The following LRRFIP1 variants were observed in gnomAD, a reference collection of about 807,000 sequenced individuals.
LRRFIP1 encodes leucine-rich repeat flightless-interacting protein 1.
In LRRFIP1, 62 loss-of-function variants were observed where a neutral mutation model predicts 104.4. The observed-to-expected ratio is 0.59, with a 90% CI of 0.48 to 0.73. The LOEUF is 0.73. Among genes scored for constraint, LRRFIP1 ranks in the 30% least tolerant of loss-of-function variants. The pLI, the probability that LRRFIP1 is intolerant of heterozygous loss-of-function variation, is 0.00. For synonymous variants in LRRFIP1, 300 were observed against 299.0 expected (o/e 1.00, Z -0.03); for missense variants, 796 against 824.5 (o/e 0.97, Z 0.42).
intron 1 of LRRFIP1, among the ~76,000 whole-genome samples, chr2:237,655,296 A>G (rs2086634236): frequency 6.7e-6 from 1 of 149,936 alleles, no homozygotes; most frequent in Non-Finnish European, 1.5e-5. Flanking sequence ...TTTTTTGTAA[A>G]GTTGGGTTTC....
intron 6 of LRRFIP1, among the ~76,000 whole-genome samples, chr2:237,722,936 A>T (rs867390114): frequency 2.0e-5 from 3 of 152,150 alleles, no homozygotes; most frequent in Non-Finnish European, 2.9e-5. Context: ...CTCTATTTCT[A>T]TGCGGGGCCA....
In LRRFIP1 at chr2:237,649,355, C is replaced by A. The variant is rs540959057; in HGVS notation, c.96+21615C>A. Among the ~76,000 whole-genome samples the A allele has an allele frequency of 9.9e-5, 15 of 152,074 alleles. No homozygotes were observed. In the South Asian group the frequency reaches 2.1e-3, roughly 21 times the overall value. On this transcript the variant is annotated intron_variant, in intron 1 of 23. Coordinates refer to ENST00000308482, the MANE Select transcript of LRRFIP1 (RefSeq NM_001137550.2). This position sits in a 1 kb window ranked among gnomAD's most constrained non-coding sequence, Gnocchi z 4.1. ...GACCAACCTGGCCAACATAGTGAAA[C>A]CCCATCTCTACTAAAAACACAAAAA...
At chr2:237,776,212 G>A (rs891996807) in intron 23 of LRRFIP1, among the ~76,000 whole-genome samples, 7 of 152,068 alleles carry the variant, frequency 4.6e-5, no homozygotes, top group Non-Finnish European at 4.4e-5. Context: ...CTCCTGCCTT[G>A]GCCTCCCAAA....
chr2:237,692,564 C>T (rs929804387), intron 1 of LRRFIP1: 21 of 1,479,872 alleles, frequency 1.4e-5, no homozygotes, highest in Non-Finnish European at 1.7e-5. Context: ...GTGACTGCGG[C>T]GGGGTTTCAG....
intron 1 of LRRFIP1, among the ~76,000 whole-genome samples, chr2:237,634,728 C>G (rs182711925): frequency 1.4e-4 from 21 of 152,314 alleles, no homozygotes; most frequent in Middle Eastern, 6.8e-3. Context: ...TTTCCTTATA[C>G]AACTTTCTGC....
intron 14 of LRRFIP1, among the ~76,000 whole-genome samples, chr2:237,751,549 T>A (rs1014206212): frequency 6.6e-6 from 1 of 152,240 alleles, no homozygotes; most frequent in Non-Finnish European, 1.5e-5. Context: ...TCCCCCAGGC[T>A]TAAAACCAGT....
chr2:237,766,726 A>AAGAAGGAAAAAGAAAGAGTTCTGAGC lies in LRRFIP1; in HGVS notation c.1460-3214_1460-3189dup. Among the ~76,000 whole-genome samples, 1 of 152,222 alleles carries AAGAAGGAAAAAGAAAGAGTTCTGAGC rather than the reference A, an allele frequency of 6.6e-6. No homozygotes were observed. The highest frequency in any genetic ancestry group is 1.5e-5 in the Non-Finnish European group (1 of 68,038). On this transcript the variant is annotated intron_variant, in intron 19 of 23. Transcript: ENST00000308482. The surrounding 1 kb of genome is among the most constrained non-coding windows in gnomAD (Gnocchi z 4.8). The stretch of plus-strand genomic sequence containing the variant: ...GACAGCTGAAAATCCATGAGCAAGA[A>AAGAAGGAAAAAGAAAGAGTTCTGAGC]AGAAGGAAAAAGAAAGAGTTCTGAG...
intron 23 of LRRFIP1, among the ~76,000 whole-genome samples, chr2:237,778,922 A>G (rs1252964708): frequency 6.7e-6 from 1 of 150,006 alleles, no homozygotes; most frequent in Non-Finnish European, 1.5e-5. Context: ...GTCTCAAAAA[A>G]AAAAACAAAC....
At chr2:237,714,112 G>A in intron 2 of LRRFIP1, 147 bp from the exon 3 acceptor site, 1 of 536,496 alleles carries the variant, frequency 1.9e-6, no homozygotes, top group Admixed American at 3.3e-5. Flanking sequence ...CTTGTCAGTG[G>A]GACCTCACCT....
chr2:237,732,398 A>G (rs1428434023), intron 8 of LRRFIP1, among the ~76,000 whole-genome samples: 2 of 152,090 alleles, frequency 1.3e-5, no homozygotes, highest in Non-Finnish European at 2.9e-5. Context: ...GTCTGCCCCA[A>G]ATGGAAGCTG....
intron 11 of LRRFIP1, among the ~76,000 whole-genome samples, chr2:237,743,503 A>G (rs2057395751): frequency 6.6e-6 from 1 of 152,128 alleles, no homozygotes; most frequent in African/African-American, 2.4e-5. Context: ...GGCATAGAAT[A>G]CTGTTCACCT....
In LRRFIP1 at chr2:237,761,110, C is replaced by T. The variant is rs569392057; in HGVS notation, c.1459+905C>T. On this transcript the variant is annotated intron_variant, in intron 19 of 23. Coordinates refer to ENST00000308482, the MANE Select transcript of LRRFIP1 (RefSeq NM_001137550.2). ...TAATGTAGAAGCTTTCATCTTATTTCTTTTTATTTATGGAAATGTAGACAC... is the reference window on the plus strand; with the variant it reads ...TAATGTAGAAGCTTTCATCTTATTTTTTTTTATTTATGGAAATGTAGACAC... Among the ~76,000 whole-genome samples the T allele has an allele frequency of 3.9e-5, 6 of 152,256 alleles. No homozygotes were observed. The East Asian group carries it at 9.6e-4, about 24-fold the overall frequency.
In LRRFIP1 at chr2:237,735,389, A is replaced by T; in HGVS notation, c.555+56A>T. On this transcript the variant is annotated intron_variant, in intron 10 of 23. Coordinates refer to ENST00000308482, the MANE Select transcript of LRRFIP1 (RefSeq NM_001137550.2). The surrounding 1 kb of genome is among the most constrained non-coding windows in gnomAD (Gnocchi z 4.6). ...CCCGTGCCTGCTGCATGGCCTGGGG[A>T]TGCTCGCTGGGCAGGGTCCAGCCGT... is the stretch of plus-strand genomic sequence containing the variant. The T allele has an allele frequency of 6.4e-7, 1 of 1,550,948 alleles. No homozygotes were observed. Among genetic ancestry groups the T allele is most frequent in the Non-Finnish European group, 8.8e-7 (1 of 1,139,194 alleles).
chr2:237,753,205 T>C (rs1447077467), intron 14 of LRRFIP1, 104 bp from the exon 15 acceptor site: 7 of 767,564 alleles, frequency 9.1e-6, no homozygotes, highest in Admixed American at 3.5e-5. Context: ...CTAAGAAATA[T>C]AGTCTAAGTT....
chr2:237,688,441 C>CTTTTT (rs5839674), intron 1 of LRRFIP1, among the ~76,000 whole-genome samples: 1 of 132,510 alleles, frequency 7.5e-6, no homozygotes, highest in Non-Finnish European at 1.6e-5. Context: ...GATGGACCCC[C>CTTTTT]TTTTTTTTTT....
At chr2:237,761,417 C>T (rs2059857301) in intron 19 of LRRFIP1, among the ~76,000 whole-genome samples, 1 of 152,206 alleles carries the variant, frequency 6.6e-6, no homozygotes, top group Non-Finnish European at 1.5e-5. Context: ...AATCAATTTC[C>T]ATCATACCTT....
intron 14 of LRRFIP1, 34 bp from the exon 15 acceptor site, chr2:237,753,275 T>C (rs779473094): frequency 6.6e-7 from 1 of 1,514,826 alleles, no homozygotes; most frequent in Non-Finnish European, 8.9e-7. Context: ...GATTTTTTTA[T>C]TGCAATTTCA....
chr2:237,632,061 G>T (rs113574176), intron 1 of LRRFIP1, among the ~76,000 whole-genome samples: 11,283 of 152,278 alleles, frequency 0.074, 537 homozygotes, highest in Middle Eastern at 0.12. Context: ...GTTGGTTCAG[G>T]CCTCACAGCC....
intron 3 of LRRFIP1, 148 bp downstream of exon 3, chr2:237,714,424 G>C: frequency 1.7e-6 from 1 of 595,958 alleles, no homozygotes; most frequent in Admixed American, 3.1e-5. Flanking sequence ...GAATTTGTTT[G>C]AACAAGAATG....
Sources: allele counts gnomAD v4.1 joint callset (sites outside exome capture counted in the v4.1 genomes callset), GRCh38; gene constraint gnomAD v4.1.1; non-coding constraint Gnocchi (gnomAD v3.1); transcripts MANE v1.5; gene names NCBI Gene and HGNC (gene_info 2026-07-23, HGNC 2026-07-21).